The following EVL variants were observed in gnomAD, a reference collection of about 807,000 sequenced individuals.
EVL encodes ena/VASP-like protein.
A neutral mutation model predicts 59.6 loss-of-function variants in EVL; 21 were observed. The observed-to-expected ratio is 0.35, with a 90% CI of 0.25 to 0.51. The LOEUF is 0.51. Among genes scored for constraint, EVL ranks in the 20% least tolerant of loss-of-function variants. EVL has a pLI of 0.97. For synonymous variants in EVL, 198 were observed against 203.5 expected, an observed-to-expected ratio of 0.97 and a Z score of 0.23; for missense variants, 462 against 546.6, an observed-to-expected ratio of 0.85 and a Z score of 1.54.
intron 2 of EVL, among the ~76,000 whole-genome samples, chr14:100,087,995 G>A (rs990647939): frequency 2.4e-4 from 37 of 152,218 alleles, no homozygotes; most frequent in African/African-American, 8.9e-4. Flanking sequence ...TCTCTGAAGG[G>A]TTCCATGTGG....
intron 1 of EVL, among the ~76,000 whole-genome samples, chr14:100,073,943 C>T (rs1407920298): frequency 2.1e-5 from 3 of 140,738 alleles, no homozygotes; most frequent in Non-Finnish European, 3.1e-5. Context: ...CTGAGGGGAG[C>T]GGCAGGGGCC....
At chr14:99,987,995 A>G (rs888200470) in intron 1 of EVL, among the ~76,000 whole-genome samples, 5 of 135,034 alleles carry the variant, frequency 3.7e-5, no homozygotes, top group South Asian at 2.2e-4. Context: ...GCTCACCACT[A>G]TCTCTGCCCC....
chr14:100,056,964 T>C (rs954711471), intron 1 of EVL, among the ~76,000 whole-genome samples: 1 of 152,190 alleles, frequency 6.6e-6, no homozygotes, highest in Non-Finnish European at 1.5e-5. Context: ...GACCACTAAA[T>C]AGATAAAATT....
intron 5 of EVL, 37 bp from the exon 6 acceptor site, chr14:100,128,482 G>A (rs1220214682): frequency 6.2e-7 from 1 of 1,606,662 alleles, no homozygotes; most frequent in Non-Finnish European, 8.5e-7. Context: ...CCCCAGCTGG[G>A]TGCTGGAGCT....
chr14:100,136,754 T>TG, intron 9 of EVL, among the ~76,000 whole-genome samples: 1 of 152,192 alleles, frequency 6.6e-6, no homozygotes, highest in Admixed American at 6.5e-5. Context: ...TTTGCCAGGA[T>TG]GCATAGGTTC....
chr14:100,097,404 C>T, intron 2 of EVL, 77 bp from the exon 3 acceptor site: 1 of 1,318,204 alleles, frequency 7.6e-7, no homozygotes, highest in Non-Finnish European at 1.0e-6. Context: ...ATACAGTATA[C>T]TTGCTCCATC....
At chr14:99,983,297 A>G (rs534267450) in intron 1 of EVL, among the ~76,000 whole-genome samples, 1 of 152,350 alleles carries the variant, frequency 6.6e-6, no homozygotes, top group Non-Finnish European at 1.5e-5. Flanking sequence ...TTGGACGTAG[A>G]GGCGATAATT....
chr14:99,975,970 A>G (rs1229008074), intron 1 of EVL, among the ~76,000 whole-genome samples: 1 of 152,098 alleles, frequency 6.6e-6, no homozygotes, highest in Admixed American at 6.5e-5. Flanking sequence ...ATAATCTGCT[A>G]TTAAAACCAC....
rs1307926691 is a variant in EVL at position 100,108,528 on chromosome 14, C to G, written c.358+10870C>G. On this transcript the variant is annotated intron_variant, in intron 3 of 13. Transcript: ENST00000392920. This position sits in a 1 kb window ranked among gnomAD's most constrained non-coding sequence, Gnocchi z 4.1. ...CACTTTCTGAAAGCCGGATATGTCT[C>G]TTTGCTGACCCACCCCTGTTCTCAC... Among the ~76,000 whole-genome samples, 4 of 152,156 alleles carry G rather than the reference C, an allele frequency of 2.6e-5. No individual in the cohort carries two copies. Among genetic ancestry groups the G allele is most frequent in the African/African-American group, 9.7e-5 (4 of 41,434 alleles).
At chr14:100,000,067 G>A (rs1008348038) in intron 1 of EVL, among the ~76,000 whole-genome samples, 1 of 152,212 alleles carries the variant, frequency 6.6e-6, no homozygotes, top group Non-Finnish European at 1.5e-5. Context: ...AATAGGAAGT[G>A]TGAACCCCGA....
intron 8 of EVL, among the ~76,000 whole-genome samples, chr14:100,133,430 C>T (rs1040231987): frequency 6.6e-6 from 1 of 152,240 alleles, no homozygotes; most frequent in Non-Finnish European, 1.5e-5. Flanking sequence ...CACCTCAGTG[C>T]AGAATCAGAG....
At chr14:99,973,309 A>G (rs745732460) in intron 1 of EVL, among the ~76,000 whole-genome samples, 2 of 152,220 alleles carry the variant, frequency 1.3e-5, no homozygotes, top group African/African-American at 2.4e-5. Context: ...GTCAGTCTTA[A>G]ATTTTAACCA....
At chr14:100,047,606 G>A (rs1223174891) in intron 1 of EVL, among the ~76,000 whole-genome samples, 3 of 152,112 alleles carry the variant, frequency 2.0e-5, no homozygotes, top group African/African-American at 7.2e-5. Flanking sequence ...ATGCTTCCAG[G>A]TTGGCAGTGC....
In EVL at chr14:100,114,611, A is replaced by C. The variant is rs529037853; in HGVS notation, c.359-8928A>C. 17 of 152,468 alleles carry C rather than the reference A, an allele frequency of 1.1e-4. No individual in the cohort carries two copies. In the East Asian group the frequency reaches 3.3e-3, roughly 29 times the overall value. 9.4% of individuals were successfully genotyped at this position (152,468 alleles called of 1,614,324 possible). On this transcript the variant is annotated intron_variant, in intron 3 of 13. Transcript: ENST00000392920. The surrounding 1 kb of genome is among the most constrained non-coding windows in gnomAD (Gnocchi z 5.0). The stretch of plus-strand genomic sequence containing the variant: ...GAAGAGGTAAGTGGCCCAGTACGAG[A>C]GGTGCCCCCGGCCTGTGCCGCGGAG...
At chr14:100,030,626 T>C (rs1026751142) in intron 1 of EVL, among the ~76,000 whole-genome samples, 5 of 152,254 alleles carry the variant, frequency 3.3e-5, no homozygotes, top group South Asian at 2.1e-4. Context: ...TCATGTTTGC[T>C]ACTGAAATGT....
intron 1 of EVL, among the ~76,000 whole-genome samples, chr14:100,080,744 GGGGGAAA>G (rs1351812021): frequency 6.6e-6 from 1 of 152,112 alleles, no homozygotes; most frequent in Non-Finnish European, 1.5e-5. Context: ...TAGATCCCAG[GGGGGAAA>G]GAAGTCCACC....
At chr14:100,141,386 G>A in intron 12 of EVL, 140 bp downstream of exon 12, 1 of 830,730 alleles carries the variant, frequency 1.2e-6, no homozygotes, top group Non-Finnish European at 1.9e-6. Flanking sequence ...AGCCACGGCA[G>A]AAAGGGGGTG....
At chr14:100,035,023 C>A (rs2140223934) in intron 1 of EVL, among the ~76,000 whole-genome samples, 1 of 152,320 alleles carries the variant, frequency 6.6e-6, no homozygotes, top group East Asian at 1.9e-4. Flanking sequence ...GCTACTAGAA[C>A]AATTAACAGT....
At chr14:100,067,355 C>G (rs1243301552) in intron 1 of EVL, among the ~76,000 whole-genome samples, 1 of 152,196 alleles carries the variant, frequency 6.6e-6, no homozygotes, top group African/African-American at 2.4e-5. Flanking sequence ...ACCCACCAAT[C>G]AAGAAACAGT....
Sources: gnomAD v4.1 joint callset for allele counts (sites outside exome capture counted in the v4.1 genomes callset) on GRCh38, gnomAD v4.1.1 for gene constraint, Gnocchi (gnomAD v3.1) non-coding constraint, MANE v1.5 for transcripts, NCBI Gene and HGNC (gene_info 2026-07-23, HGNC 2026-07-21) for gene names.